The following SYNPR variants were observed in gnomAD, a reference collection of about 807,000 sequenced individuals.
The protein encoded by SYNPR is synaptoporin.
In SYNPR, 23 loss-of-function variants were observed where a neutral mutation model predicts 32.9. The ratio of observed to expected loss-of-function variants is 0.70; its 90% CI spans 0.50 to 0.99. SYNPR has a LOEUF of 0.99. SYNPR is among the 50% of genes least tolerant of loss of function. The pLI is 0.00. For synonymous variants in SYNPR, 146 were observed against 135.9 expected (o/e 1.07, Z -0.52); for missense variants, 318 against 349.3 (o/e 0.91, Z 0.71).
At chr3:63,612,476 G>A (rs548934573) in intron 5 of SYNPR, among the ~76,000 whole-genome samples, 1 of 152,066 alleles carries the variant, frequency 6.6e-6, no homozygotes, top group African/African-American at 2.4e-5. Context: ...CTTTTTAGAC[G>A]ATCTAGATCT....
chr3:63,394,298 C>T (rs1221023046), intron 2 of SYNPR, among the ~76,000 whole-genome samples: 1 of 152,138 alleles, frequency 6.6e-6, no homozygotes, highest in African/African-American at 2.4e-5. Context: ...TCTGCTCATT[C>T]TTTCTTTTTA....
chr3:63,392,012 C>T (rs1039022994), intron 2 of SYNPR, among the ~76,000 whole-genome samples: 1 of 152,210 alleles, frequency 6.6e-6, no homozygotes, highest in Admixed American at 6.5e-5. Flanking sequence ...AGTGAGCCAG[C>T]ATTCTAGGTG....
intron 2 of SYNPR, among the ~76,000 whole-genome samples, chr3:63,409,624 G>A (rs114375851): frequency 0.018 from 2,785 of 152,178 alleles, 77 homozygotes; most frequent in African/African-American, 0.062. Context: ...ATTTCACAAA[G>A]CTTATATATT....
intron 2 of SYNPR, among the ~76,000 whole-genome samples, chr3:63,408,046 C>G (rs139494263): frequency 2.0e-5 from 3 of 151,276 alleles, no homozygotes; most frequent in African/African-American, 7.3e-5. Context: ...AGTGGTTTCC[C>G]TAATGGCAGT....
chr3:63,393,319 A>C (rs183085425), intron 2 of SYNPR, among the ~76,000 whole-genome samples: 117 of 152,258 alleles, frequency 7.7e-4, no homozygotes, highest in Admixed American at 7.7e-3. Flanking sequence ...TAGGGTAAAT[A>C]CTAAAAAGTA....
intron 4 of SYNPR, among the ~76,000 whole-genome samples, chr3:63,606,526 G>T (rs6806068): frequency 0.06 from 8,636 of 145,006 alleles, 803 homozygotes; most frequent in African/African-American, 0.21. Context: ...CAAACTCCTG[G>T]GATCAGGCGA....
the SYNPR span, among the ~76,000 whole-genome samples, chr3:63,219,011 G>C: frequency 4.6e-5 from 7 of 152,210 alleles, no homozygotes; most frequent in Admixed American, 1.3e-4. Context: ...TTAGAGTCTA[G>C]TGAGAGAGAC....
At chr3:63,521,441 G>A (rs964153056) in intron 3 of SYNPR, among the ~76,000 whole-genome samples, 9 of 152,158 alleles carry the variant, frequency 5.9e-5, no homozygotes, top group African/African-American at 2.2e-4. Flanking sequence ...CTGAGTACCA[G>A]GCACTGTTCT....
chr3:63,347,391 T>G (rs537868073), intron 2 of SYNPR, among the ~76,000 whole-genome samples: 2 of 152,356 alleles, frequency 1.3e-5, no homozygotes, highest in South Asian at 4.1e-4. Flanking sequence ...AGAGATGGTT[T>G]ATAAAAACCT....
At chr3:63,405,032 T>C (rs2088341082) in intron 2 of SYNPR, among the ~76,000 whole-genome samples, 1 of 152,144 alleles carries the variant, frequency 6.6e-6, no homozygotes, top group Admixed American at 6.6e-5. Flanking sequence ...GTGTGTCATA[T>C]ATGATGAGAA....
At chr3:63,579,508 C>T (rs925824344) in intron 4 of SYNPR, among the ~76,000 whole-genome samples, 2 of 152,132 alleles carry the variant, frequency 1.3e-5, no homozygotes, top group Non-Finnish European at 2.9e-5. Flanking sequence ...ACATACTTCA[C>T]TAATTTACCT....
At chr3:63,221,961 G>C in the SYNPR span, among the ~76,000 whole-genome samples, 2 of 144,478 alleles carry the variant, frequency 1.4e-5, no homozygotes, top group African/African-American at 5.1e-5. Flanking sequence ...AGCAATCAAA[G>C]CAGCAGTAGA....
chr3:63,527,847 G>C (rs1702043330), intron 3 of SYNPR, among the ~76,000 whole-genome samples: 1 of 152,118 alleles, frequency 6.6e-6, no homozygotes, highest in Non-Finnish European at 1.5e-5. Context: ...TAAAGTTGGT[G>C]TGATGTAGTG....
intron 2 of SYNPR, among the ~76,000 whole-genome samples, chr3:63,253,387 T>A (rs994439960): frequency 6.6e-6 from 1 of 152,188 alleles, no homozygotes; most frequent in African/African-American, 2.4e-5. Flanking sequence ...TTTAAACAAC[T>A]GTAGCATCAT....
chr3:63,425,831 G>A (rs1430302323), intron 2 of SYNPR, among the ~76,000 whole-genome samples: 1 of 148,610 alleles, frequency 6.7e-6, no homozygotes, highest in Non-Finnish European at 1.5e-5. Flanking sequence ...CACCCAGGCT[G>A]GAGTGCAGTG....
the SYNPR span, among the ~76,000 whole-genome samples, chr3:63,218,954 A>G: frequency 6.6e-6 from 1 of 152,226 alleles, no homozygotes; most frequent in East Asian, 1.9e-4. Flanking sequence ...GTATGATGCT[A>G]TATGCAGGAA....
intron 2 of SYNPR, among the ~76,000 whole-genome samples, chr3:63,313,527 C>A (rs1338112291): frequency 4.0e-5 from 6 of 150,542 alleles, no homozygotes; most frequent in African/African-American, 1.5e-4. Context: ...CAGGTCACTG[C>A]AAATGCTGTT....
At chr3:63,202,360 T>A in the SYNPR span, among the ~76,000 whole-genome samples, 2 of 152,164 alleles carry the variant, frequency 1.3e-5, no homozygotes, top group African/African-American at 4.8e-5. Context: ...AAATATTTTC[T>A]CCACACCCTG....
chr3:63,529,853 C>A (rs914426136), intron 3 of SYNPR, among the ~76,000 whole-genome samples: 1 of 152,152 alleles, frequency 6.6e-6, no homozygotes, highest in African/African-American at 2.4e-5. Context: ...AGGTACCTAA[C>A]ACACTCAGGC....
Sources: gnomAD v4.1 joint callset for allele counts (sites outside exome capture counted in the v4.1 genomes callset) on GRCh38, gnomAD v4.1.1 for gene constraint, MANE v1.5 for transcripts, NCBI Gene and HGNC (gene_info 2026-07-23, HGNC 2026-07-21) for gene names.